NECAP2: variants seen among roughly 807,000 people sequenced by gnomAD.
NECAP2 encodes adaptin ear-binding coat-associated protein 2.
NECAP2 carries 38 observed loss-of-function variants against 37.8 expected under a neutral mutation model. The observed-to-expected ratio is 1.01, with a 90% CI of 0.78 to 1.32. The LOEUF (loss-of-function observed/expected upper bound fraction) is 1.32, where lower values mean the gene tolerates loss of function less well. NECAP2 is among the 40% of genes most tolerant of loss of function. The pLI, the probability that NECAP2 is intolerant of heterozygous loss-of-function variation, is 0.00. For synonymous variants in NECAP2, 121 were observed against 127.7 expected, an observed-to-expected ratio of 0.95 and a Z score of 0.35; for missense variants, 316 against 334.5, an observed-to-expected ratio of 0.94 and a Z score of 0.43.
In NECAP2 at chr1:16,448,112, C is replaced by G; in HGVS notation, c.351C>G (p.Asp117Glu). 1 of 1,614,164 alleles carries G rather than the reference C, an allele frequency of 6.2e-7. No individual in the cohort carries two copies. The highest frequency in any genetic ancestry group is 8.5e-7 in the Non-Finnish European group (1 of 1,180,028). Residue 117 changes from aspartate to glutamate, a missense_variant, in exon 4 of 8, where the codon GAC (aspartate) becomes GAG (glutamate). Physicochemically the swap from Asp to Glu is conservative, Grantham distance 45. Around this residue, in one of 3 missense-constraint regions of NECAP2, gnomAD observed 204 missense variants for 188.6 expected, o/e 1.08. Transcript: ENST00000337132. Reference protein sequence around the residue: ...IGFGDRGDAFDFNVALQDHFK... With the variant: ...IGFGDRGDAFEFNVALQDHFK... ...TCGGGGACCGAGGTGATGCCTTTGA[C>G]TTCAATGTTGCATTGCAGGACCATT...
chr1:16,446,826 G>A (rs2086770380), intron 2 of NECAP2, among the ~76,000 whole-genome samples: 1 of 152,120 alleles, frequency 6.6e-6, no homozygotes, highest in African/African-American at 2.4e-5. Flanking sequence ...TTGGGAGGCT[G>A]AGGCAGGCAG....
intron 4 of NECAP2, among the ~76,000 whole-genome samples, chr1:16,448,548 A>G (rs947854997): frequency 3.3e-5 from 5 of 152,156 alleles, no homozygotes; most frequent in African/African-American, 1.2e-4. Flanking sequence ...CACCATCTGC[A>G]GGGCTCGAAC....
Position 16,440,766 on chromosome 1 carries a change from A to C in NECAP2, c.5A>C (p.Glu2Ala). The C allele has an allele frequency of 1.2e-6, 2 of 1,613,802 alleles. No homozygotes were observed. Among genetic ancestry groups the C allele is most frequent in the Non-Finnish European group, 1.7e-6 (2 of 1,179,710 alleles). The change falls in exon 1 of 8, where the codon GAG becomes GCG. Residue 2 changes from glutamate to alanine, a missense_variant. Coordinates refer to ENST00000337132, the MANE Select transcript of NECAP2 (RefSeq NM_018090.5). M[E>A]ESGYESVLCV... ...CGGTGGGCTCCAGGCGTCGCGATGG[A>C]GGAGAGCGGGTACGAGTCGGTGCTC...
chr1:16,457,114 T>C (rs2086932629), intron 7 of NECAP2, among the ~76,000 whole-genome samples: 1 of 152,226 alleles, frequency 6.6e-6, no homozygotes, highest in Non-Finnish European at 1.5e-5. Flanking sequence ...ACAGACAATA[T>C]GTAAATAAAT....
chr1:16,459,673 CG>C lies in NECAP2; in HGVS notation c.*785del, dbSNP rs1298664287. The C allele has an allele frequency of 6.6e-6, 1 of 152,314 alleles. No individual in the cohort carries two copies. The highest frequency in any genetic ancestry group is 1.5e-5 in the Non-Finnish European group (1 of 68,158). The allele number at this position is 152,314 out of a possible 1,614,324, so 9.4% of individuals were successfully genotyped here. On this transcript the variant is annotated 3_prime_UTR_variant, in exon 8 of 8. Coordinates refer to ENST00000337132, the MANE Select transcript of NECAP2 (RefSeq NM_018090.5). ...GCCAAGGCGGGTGCTGGAAGCCAGA[CG>C]GAACAGTGTTGGGGCAGGAAGGTGG... is the stretch of plus-strand genomic sequence containing the variant.
intron 4 of NECAP2, 31 bp from the exon 5 acceptor site, chr1:16,449,062 C>A: frequency 6.7e-7 from 1 of 1,487,712 alleles, no homozygotes. Context: ...TCTCTTCCTT[C>A]CTCACCTTTT....
At chr1:16,447,062 G>GAAAAAA in intron 2 of NECAP2, among the ~76,000 whole-genome samples, 1 of 133,268 alleles carries the variant, frequency 7.5e-6, no homozygotes, top group Non-Finnish European at 1.6e-5. Flanking sequence ...TCCATCTCAG[G>GAAAAAA]AAAAAAAAAA....
At chr1:16,443,045 A>G (rs2086711866) in intron 1 of NECAP2, among the ~76,000 whole-genome samples, 1 of 152,202 alleles carries the variant, frequency 6.6e-6, no homozygotes, top group Admixed American at 6.5e-5. Context: ...TGATTGTTCC[A>G]TGCTGTCTTT....
chr1:16,458,982 G>A lies in NECAP2; in HGVS notation c.*92G>A. On this transcript the variant is annotated 3_prime_UTR_variant, in exon 8 of 8. Coordinates refer to ENST00000337132, the MANE Select transcript of NECAP2 (RefSeq NM_018090.5). Reference sequence around the variant, plus strand: ...GGACGAAGCCCTCCTCAGCTGGCCTGTGTTTGGGGCATGAATCTCTCCTCT... The same window carrying A: ...GGACGAAGCCCTCCTCAGCTGGCCTATGTTTGGGGCATGAATCTCTCCTCT... 1 of 1,606,318 alleles carries A rather than the reference G, an allele frequency of 6.2e-7. No individual in the cohort carries two copies. Among genetic ancestry groups the A allele is most frequent in the Non-Finnish European group, 8.5e-7 (1 of 1,176,564 alleles).
chr1:16,449,345 G>T, intron 5 of NECAP2, 144 bp downstream of exon 5: 1 of 608,174 alleles, frequency 1.6e-6, no homozygotes, highest in Non-Finnish European at 2.9e-6. Context: ...CTGCATCGGG[G>T]TGAACAAGAG....
At chr1:16,453,405 G>C (rs1341482222) in intron 6 of NECAP2, among the ~76,000 whole-genome samples, 2 of 151,964 alleles carry the variant, frequency 1.3e-5, no homozygotes, top group Non-Finnish European at 2.9e-5. Flanking sequence ...TACTGCACCC[G>C]GCCCTTATGT....
chr1:16,444,131 G>C (rs1204401945), intron 2 of NECAP2, among the ~76,000 whole-genome samples: 1 of 152,182 alleles, frequency 6.6e-6, no homozygotes, highest in Non-Finnish European at 1.5e-5. Context: ...GTAACTCCCA[G>C]AGCTGACCAC....
chr1:16,451,724 T>C, intron 5 of NECAP2, 114 bp from the exon 6 acceptor site: 2 of 1,015,274 alleles, frequency 2.0e-6, no homozygotes, highest in Admixed American at 1.9e-5. Flanking sequence ...GGACCATCTT[T>C]TGGTTACACA....
At chr1:16,447,846 G>A (rs774085952) in intron 2 of NECAP2, 24 bp from the exon 3 acceptor site, 6 of 1,601,622 alleles carry the variant, frequency 3.7e-6, no homozygotes, top group African/African-American at 1.3e-5. Context: ...AGGGCTCAGC[G>A]CTCAGCCTAA....
intron 5 of NECAP2, chr1:16,450,082 C>G (rs1157307032): frequency 2.4e-6 from 1 of 409,868 alleles, no homozygotes. Flanking sequence ...ACTCTTTCTC[C>G]TCTTTTCTGC....
intron 1 of NECAP2, among the ~76,000 whole-genome samples, chr1:16,441,849 A>G (rs2086694662): frequency 6.6e-6 from 1 of 152,218 alleles, no homozygotes; most frequent in African/African-American, 2.4e-5. Context: ...TGAACATTAC[A>G]TTCATGACAT....
In NECAP2 at chr1:16,440,871, G is replaced by T. The variant is rs1428662907; in HGVS notation, c.92+18G>T. The T allele has an allele frequency of 1.9e-6, 3 of 1,604,204 alleles. No individual in the cohort carries two copies. The highest frequency in any genetic ancestry group is 2.6e-6 in the Non-Finnish European group (3 of 1,170,954). Reference sequence around the variant, plus strand: ...GGCTACAGGTGACTACCCACCGCCAGACCAGGCTAGCTCCAATTTAACCCT... The same window carrying T: ...GGCTACAGGTGACTACCCACCGCCATACCAGGCTAGCTCCAATTTAACCCT... On this transcript the variant is annotated intron_variant, in intron 1 of 7. Coordinates refer to ENST00000337132, the MANE Select transcript of NECAP2 (RefSeq NM_018090.5).
intron 5 of NECAP2, 99 bp downstream of exon 5, chr1:16,449,300 C>A (rs774525391): frequency 5.1e-6 from 4 of 778,792 alleles, no homozygotes; most frequent in Non-Finnish European, 8.4e-6. Context: ...TTCAGTTCAG[C>A]AGATGTTTAG....
chr1:16,443,371 C>T (rs896573360), intron 1 of NECAP2, among the ~76,000 whole-genome samples: 5 of 152,218 alleles, frequency 3.3e-5, no homozygotes, highest in African/African-American at 1.2e-4. Context: ...GATTGAAATA[C>T]AGCTGTGCTC....
Sources: allele counts gnomAD v4.1 joint callset (sites outside exome capture counted in the v4.1 genomes callset), GRCh38; gene constraint gnomAD v4.1.1; regional missense constraint gnomAD v4.1.1; transcripts MANE v1.5; gene names NCBI Gene and HGNC (gene_info 2026-07-23, HGNC 2026-07-21).